GATD1: variants seen among roughly 807,000 people sequenced by gnomAD.
GATD1 encodes the protein glutamine amidotransferase-like class 1 domain-containing protein 1.
In GATD1, 23 loss-of-function variants were observed where a neutral mutation model predicts 25.9. The observed-to-expected ratio is 0.89, with a 90% CI of 0.64 to 1.26. The LOEUF (loss-of-function observed/expected upper bound fraction) is 1.26, where lower values mean the gene tolerates loss of function less well. GATD1 is among the 50% of genes most tolerant of loss of function. The probability of loss-of-function intolerance (pLI) is 0.00; values close to 1 mark genes in which losing one functional copy is unlikely to be tolerated. For synonymous variants in GATD1, 177 were observed against 134.6 expected (o/e 1.31, Z -2.18); for missense variants, 347 against 312.5 (o/e 1.11, Z -0.83).
rs576673371 is a variant in GATD1, at chr11:775,054, G to C, written c.141+12C>G. On this transcript the variant is annotated intron_variant, in intron 2 of 7. Transcript: ENST00000319863. ...CCCAAGTGTCCAGTGGGGAAGGAGA[G>C]GCTGGACTTACCCCAGGGGTGGCCA... 9.4e-6 allele frequency: 15 copies of C among 1,596,402 alleles called. No individual in the cohort carries two copies. The highest frequency in any genetic ancestry group is 1.2e-5 in the Non-Finnish European group (14 of 1,172,706).
In GATD1 at chr11:770,499, G is replaced by A. The variant is rs540120598; in HGVS notation, c.*398C>T. 450 of 1,437,390 alleles carry A rather than the reference G, an allele frequency of 3.1e-4. 2 individuals carry two copies. The East Asian group carries it at 8.9e-3, about 29-fold the overall frequency. 89.0% of individuals were successfully genotyped at this position (1,437,390 alleles called of 1,614,324 possible). ...ACCAACAGTGAAAGAGGTGGTGGGT[G>A]GCAGACAGGCCACAGCAGGGCAAAC... On this transcript the variant is annotated 3_prime_UTR_variant, in exon 8 of 8. Coordinates refer to ENST00000319863, the MANE Select transcript of GATD1 (RefSeq NM_182612.4).
In GATD1 at chr11:772,699, G is replaced by A. The variant is rs1018239161; in HGVS notation, c.356-178C>T. 6.4e-6 allele frequency: 4 copies of A among 621,868 alleles called. No homozygotes were observed. The Admixed American group carries it at 1.0e-4, about 16-fold the overall frequency. 38.5% of individuals were successfully genotyped at this position (621,868 alleles called of 1,614,324 possible). ...TGTCCTGGCTCAGCCCGCACAGCTG[G>A]CATCAGGAATCTGCTCGGGGGAGCT... On this transcript the variant is annotated intron_variant, in intron 4 of 7. Coordinates refer to ENST00000319863, the MANE Select transcript of GATD1 (RefSeq NM_182612.4).
At chr11:774,496 T>A (rs944812288) in intron 2 of GATD1, among the ~76,000 whole-genome samples, 1 of 152,224 alleles carries the variant, frequency 6.6e-6, no homozygotes, top group African/African-American at 2.4e-5. Flanking sequence ...CGCCTTGGTC[T>A]CCTCCTCACA....
chr11:771,613 A>T, intron 5 of GATD1, 187 bp from the exon 6 acceptor site: 1 of 1,362,358 alleles, frequency 7.3e-7, no homozygotes, highest in African/African-American at 1.5e-5. Flanking sequence ...CCATCTTCCC[A>T]TGGGGTGTCC....
At chr11:775,976 CT>C (rs71022972) in intron 1 of GATD1, among the ~76,000 whole-genome samples, 948 of 72,194 alleles carry the variant, frequency 0.013, 2 homozygotes, top group African/African-American at 0.053. Context: ...TATCTTCATT[CT>C]TTTTTTTTTT....
At chr11:771,277 C>T (rs1301834307) in intron 6 of GATD1, 56 bp downstream of exon 6, 2 of 1,582,678 alleles carry the variant, frequency 1.3e-6, no homozygotes, top group Non-Finnish European at 1.7e-6. Flanking sequence ...CAGGCTGCAG[C>T]AGGGAAGCCC....
rs774509045 is a variant in GATD1 at position 771,335 on chromosome 11, C to A, written c.542G>T (p.Ser181Ile). Residue 181 changes from serine to isoleucine, a missense_variant and splice_region_variant, in exon 6 of 8, where the codon AGT becomes ATT. By Grantham distance (142) the Ser-to-Ile change is moderately radical. Transcript: ENST00000319863. Reference sequence around the variant, plus strand: ...CAGGGGGCACCCTCGAGGCTCACCACTGAAGCAGGCGCCCGAATCCTTCAC... The same window carrying A: ...CAGGGGGCACCCTCGAGGCTCACCAATGAAGCAGGCGCCCGAATCCTTCAC... ...DFVKDSGACF[S>I]ASEPDAVHVV... The A allele has an allele frequency of 6.2e-7, 1 of 1,601,380 alleles. No homozygotes were observed. The highest frequency in any genetic ancestry group is 1.7e-5 in the Admixed American group (1 of 58,014).
chr11:773,954 T>A, intron 3 of GATD1, 54 bp downstream of exon 3: 1 of 1,525,714 alleles, frequency 6.6e-7, no homozygotes, highest in Non-Finnish European at 9.1e-7. Flanking sequence ...CTGGAACCCT[T>A]GACCCTCCAA....
chr11:769,370 G>A lies in GATD1; in HGVS notation c.*1527C>T. ...GGAGTTTCACTCATTGCCCAGGTTG[G>A]AGTGCAATGGCGCAATCTTGGCTCA... On this transcript the variant is annotated 3_prime_UTR_variant, in exon 8 of 8. Coordinates refer to ENST00000319863, the MANE Select transcript of GATD1 (RefSeq NM_182612.4). The A allele has an allele frequency of 1.1e-6, 1 of 892,928 alleles. No individual in the cohort carries two copies. The highest frequency in any genetic ancestry group is 1.3e-6 in the Non-Finnish European group (1 of 745,790). 55.3% of individuals were successfully genotyped at this position (892,928 alleles called of 1,614,324 possible).
At chr11:776,753 G>A (rs531768584) in intron 1 of GATD1, 24 of 152,498 alleles carry the variant, frequency 1.6e-4, no homozygotes, top group Non-Finnish European at 3.2e-4. Flanking sequence ...AGGCACCCTC[G>A]TGCTCCGCTG....
At position 770,574 on chromosome 11, in the gene GATD1, CG is replaced by C. The variant is rs1863338373; in HGVS notation, c.*322del. On this transcript the variant is annotated 3_prime_UTR_variant, in exon 8 of 8. Transcript: ENST00000319863. ...CTCTGTCTAGTCAACAGTGACCACA[CG>C]TGACAACCAGTCCTCCCTAGAAAAC... The C allele has an allele frequency of 7.1e-6, 10 of 1,413,666 alleles. 1 individual carries two copies. In the South Asian group the frequency reaches 1.6e-4, roughly 23 times the overall value. 87.6% of individuals were successfully genotyped at this position (1,413,666 alleles called of 1,614,324 possible).
rs138910813 is a variant in GATD1 at position 770,314 on chromosome 11, A to G, written c.*583T>C. The G allele has an allele frequency of 3.0e-3, 4,619 of 1,532,472 alleles. 12 individuals carry two copies. The highest frequency in any genetic ancestry group is 3.7e-3 in the Non-Finnish European group (4,189 of 1,145,062). The allele number at this position is 1,532,472 out of a possible 1,614,324, so 94.9% of individuals were successfully genotyped here. Reference sequence around the variant, plus strand: ...CAGGGTGCATCACTGAGGTGCTTACACTTTGAAACCACACGCCAGGAAGAT... The same window carrying G: ...CAGGGTGCATCACTGAGGTGCTTACGCTTTGAAACCACACGCCAGGAAGAT... On this transcript the variant is annotated 3_prime_UTR_variant, in exon 8 of 8. Transcript: ENST00000319863.
At position 770,301 on chromosome 11, in the gene GATD1, C is replaced by T. The variant is rs1863316601; in HGVS notation, c.*596G>A. On this transcript the variant is annotated 3_prime_UTR_variant, in exon 8 of 8. Transcript: ENST00000319863. Reference sequence around the variant, plus strand: ...TCAATGCTTAGGACAGGGTGCATCACTGAGGTGCTTACACTTTGAAACCAC... The same window carrying T: ...TCAATGCTTAGGACAGGGTGCATCATTGAGGTGCTTACACTTTGAAACCAC... 1.3e-6 allele frequency: 2 copies of T among 1,526,834 alleles called. No individual in the cohort carries two copies. Among genetic ancestry groups the T allele is most frequent in the Admixed American group, 2.1e-5 (1 of 48,712 alleles). 94.6% of individuals were successfully genotyped at this position (1,526,834 alleles called of 1,614,324 possible).
intron 1 of GATD1, chr11:777,039 C>T (rs571325317): frequency 5.9e-4 from 107 of 182,634 alleles, no homozygotes; most frequent in Non-Finnish European, 1.0e-3. Context: ...CGCAGCGCAG[C>T]GGCCTCAGAG....
chr11:774,973 C>T (rs1197447602), intron 2 of GATD1, 93 bp downstream of exon 2: 12 of 1,212,558 alleles, frequency 9.9e-6, no homozygotes, highest in African/African-American at 1.5e-5. Flanking sequence ...CTCCCCACTC[C>T]TCCCAGGCCG....
At chr11:771,471 C>A (rs113697813) in intron 5 of GATD1, 45 bp from the exon 6 acceptor site, 19 of 1,491,366 alleles carry the variant, frequency 1.3e-5, no homozygotes, top group Non-Finnish European at 1.5e-5. Flanking sequence ...CCAGGCCCTG[C>A]GGCCCACCCC....
rs891054525 is a variant in GATD1, at chr11:772,271, G to A, written c.450+156C>T. Among the ~76,000 whole-genome samples, 210 of 112,250 alleles carry A rather than the reference G, an allele frequency of 1.9e-3. 2 individuals carry two copies. Among genetic ancestry groups the A allele is most frequent in the African/African-American group, 7.4e-3 (201 of 27,282 alleles). The allele number at this position is 112,250 out of a possible 152,430, so 73.6% of individuals were successfully genotyped here. ...TCCAGGCACTCACCCTGGAGCCTCC[G>A]ACCTCACCTCTGGCTGTGATGGGGG... On this transcript the variant is annotated intron_variant, in intron 5 of 7. Coordinates refer to ENST00000319863, the MANE Select transcript of GATD1 (RefSeq NM_182612.4).
chr11:769,265 C>T lies in GATD1; in HGVS notation c.*1632G>A, dbSNP rs1863231477. The T allele has an allele frequency of 6.1e-6, 6 of 985,354 alleles. No individual in the cohort carries two copies. Among genetic ancestry groups the T allele is most frequent in the Middle Eastern group, 5.2e-4 (1 of 1,936 alleles). The allele number at this position is 985,354 out of a possible 1,614,324, so 61.0% of individuals were successfully genotyped here. Reference sequence around the variant, plus strand: ...CGCAGCCTTCAGGGCGGGGATGTGGCTGCAGCGCTTCCTTCTTCCACTTTT... The same window carrying T: ...CGCAGCCTTCAGGGCGGGGATGTGGTTGCAGCGCTTCCTTCTTCCACTTTT... On this transcript the variant is annotated 3_prime_UTR_variant, in exon 8 of 8. Coordinates refer to ENST00000319863, the MANE Select transcript of GATD1 (RefSeq NM_182612.4).
intron 3 of GATD1, 113 bp from the exon 4 acceptor site, chr11:773,742 G>T: frequency 1.2e-6 from 1 of 802,978 alleles, no homozygotes. Flanking sequence ...AGCCAGCCTG[G>T]TGATGTCATC....
Sources: gnomAD v4.1 joint callset for allele counts (sites outside exome capture counted in the v4.1 genomes callset) on GRCh38, gnomAD v4.1.1 for gene constraint, MANE v1.5 for transcripts, NCBI Gene and HGNC (gene_info 2026-07-23, HGNC 2026-07-21) for gene names.